ULK2: variants seen among roughly 807,000 people sequenced by gnomAD.
The protein encoded by ULK2 is serine/threonine-protein kinase ULK2.
ULK2 carries 76 observed loss-of-function variants against 127.5 expected under a neutral mutation model. The ratio of observed to expected loss-of-function variants is 0.60; its 90% confidence interval spans 0.50 to 0.72. ULK2 has a LOEUF of 0.72. Among genes scored for constraint, ULK2 ranks in the 30% least tolerant of loss-of-function variants. The probability of loss-of-function intolerance (pLI) is 0.00; values close to 1 mark genes in which losing one functional copy is unlikely to be tolerated. For missense variants in ULK2, 1,144 were observed against 1,295.9 expected, an observed-to-expected ratio of 0.88 and a Z score of 1.80; for synonymous variants, 452 against 461.9, an observed-to-expected ratio of 0.98 and a Z score of 0.28.
intron 15 of ULK2, among the ~76,000 whole-genome samples, chr17:19,803,260 G>A (rs894017395): frequency 3.3e-5 from 5 of 152,086 alleles, no homozygotes; most frequent in Non-Finnish European, 7.4e-5. Flanking sequence ...CTAATATGTG[G>A]CAAAAGTGCT....
intron 14 of ULK2, 138 bp downstream of exon 14, chr17:19,810,229 CAAAAAAAAAAA>C (rs199922634): frequency 0.013 from 4,622 of 345,242 alleles, 29 homozygotes; most frequent in East Asian, 0.06. Context: ...GACTCCATCT[CAAAAAAAAAAA>C]AAAAAAAAAA....
chr17:19,822,368 ATT>A (rs531920568), intron 12 of ULK2, among the ~76,000 whole-genome samples: 1 of 146,638 alleles, frequency 6.8e-6, no homozygotes. Flanking sequence ...TTTTTATTTT[ATT>A]TTTTTTTTTG....
chr17:19,843,184 C>CTA lies in ULK2; in HGVS notation c.581_582insTA (p.Lys194AsnfsTer8). On this transcript the variant is annotated frameshift_variant, in exon 8 of 27. Coordinates refer to ENST00000395544, the MANE Select transcript of ULK2 (RefSeq NM_014683.4). LOFTEE classifies it high-confidence loss of function. ...CTGTTCCTATGCTCCACAAGTCAGC[C>CTA]TTAGCATCATAATGTTGAGACATAA... is the stretch of plus-strand genomic sequence containing the variant. 1 of 1,596,878 alleles carries CTA rather than the reference C, an allele frequency of 6.3e-7. No individual in the cohort carries two copies. The highest frequency in any genetic ancestry group is 2.3e-5 in the East Asian group (1 of 44,308).
chr17:19,847,085 T>G (rs1451277814), intron 5 of ULK2, among the ~76,000 whole-genome samples, 175 bp from the exon 6 acceptor site: 3 of 152,212 alleles, frequency 2.0e-5, no homozygotes, highest in Non-Finnish European at 4.4e-5. Context: ...ATATCAGATT[T>G]CTCAAAACCT....
At chr17:19,832,708 T>A (rs1257935230) in intron 10 of ULK2, among the ~76,000 whole-genome samples, 2 of 152,176 alleles carry the variant, frequency 1.3e-5, no homozygotes, top group African/African-American at 4.8e-5. Context: ...CCTAGGAAAC[T>A]GGGCTTTACA....
chr17:19,793,557 A>C (rs979849894), intron 20 of ULK2, among the ~76,000 whole-genome samples: 4 of 152,224 alleles, frequency 2.6e-5, no homozygotes, highest in Non-Finnish European at 4.4e-5. Flanking sequence ...TAAAATTAGA[A>C]TTATAAAACT....
At chr17:19,836,448 G>A (rs2041600288) in intron 10 of ULK2, among the ~76,000 whole-genome samples, 4 of 151,822 alleles carry the variant, frequency 2.6e-5, no homozygotes, top group Admixed American at 2.6e-4. Flanking sequence ...CGGGCATGGT[G>A]ATGGGCACTT....
rs149483040 is a variant in ULK2 at position 19,818,248 on chromosome 17, G to A, written c.925-1328C>T. On this transcript the variant is annotated intron_variant, in intron 12 of 26. Transcript: ENST00000395544. The stretch of plus-strand genomic sequence containing the variant: ...TGAGGCAGGAGAATGGTGTAAACCC[G>A]GTAGGCGGAGCTTGCAGTGAGCCAA... Among the ~76,000 whole-genome samples the A allele has an allele frequency of 6.9e-3, 1,043 of 151,804 alleles. 14 individuals are homozygous for A. The highest frequency in any genetic ancestry group is 0.024 in the African/African-American group (980 of 41,378).
chr17:19,823,570 T>C (rs1358249647), intron 12 of ULK2, among the ~76,000 whole-genome samples: 1 of 152,208 alleles, frequency 6.6e-6, no homozygotes, highest in Non-Finnish European at 1.5e-5. Flanking sequence ...AATATATGGT[T>C]CATAATAATA....
chr17:19,834,017 T>C (rs532412705), intron 10 of ULK2, among the ~76,000 whole-genome samples: 1 of 151,992 alleles, frequency 6.6e-6, no homozygotes, highest in Non-Finnish European at 1.5e-5. Flanking sequence ...CACATCACAG[T>C]TAAAATTGTT....
chr17:19,778,743 C>T (rs2086858852), intron 25 of ULK2, among the ~76,000 whole-genome samples: 1 of 152,160 alleles, frequency 6.6e-6, no homozygotes, highest in Non-Finnish European at 1.5e-5. Flanking sequence ...GTGCATGCCA[C>T]TGCACCTAGC....
intron 10 of ULK2, among the ~76,000 whole-genome samples, chr17:19,835,821 C>T (rs1391758550): frequency 6.6e-6 from 1 of 151,416 alleles, no homozygotes; most frequent in Non-Finnish European, 1.5e-5. Flanking sequence ...AAATGGCACA[C>T]TAGAAAATAA....
In ULK2 at chr17:19,791,228, A is replaced by G. The variant is rs558787789; in HGVS notation, c.2101+4394T>C. On this transcript the variant is annotated intron_variant, in intron 20 of 26. Coordinates refer to ENST00000395544, the MANE Select transcript of ULK2 (RefSeq NM_014683.4). ...AGCTTATGGATCATTCTCATATGTT[A>G]TGTCACAAAACAAGTCATAAAACAT... is the stretch of plus-strand genomic sequence containing the variant. 5.9e-5 allele frequency among the ~76,000 whole-genome samples: 9 copies of G among 152,334 alleles called. No homozygotes were observed. The South Asian group carries it at 1.9e-3, about 32-fold the overall frequency.
At position 19,864,810 on chromosome 17, in the gene ULK2, T is replaced by C; in HGVS notation, c.218A>G (p.Asp73Gly). 7.6e-7 allele frequency: 1 copy of C among 1,317,412 alleles called. No homozygotes were observed. The highest frequency in any genetic ancestry group is 2.2e-5 in the South Asian group (1 of 45,848). 81.6% of individuals were successfully genotyped at this position (1,317,412 alleles called of 1,614,324 possible). A position where few individuals can be genotyped will look rare whatever the true frequency, so the allele number is the denominator to read the frequency against. ...LQHENIVALY[D>G]VQELPNSVFL... Reference sequence around the variant, plus strand: ...ATTTTCAAAATAAGGTACCTGAACATCATAGAGTGCTACAATATTTTCATG... The same window carrying C: ...ATTTTCAAAATAAGGTACCTGAACACCATAGAGTGCTACAATATTTTCATG... Residue 73 changes from aspartate to glycine, a missense_variant, in exon 3 of 27, where the codon GAT (aspartate) becomes GGT (glycine). Transcript: ENST00000395544.
chr17:19,832,293 G>T lies in ULK2; in HGVS notation c.788-6107C>A, dbSNP rs187332301. On this transcript the variant is annotated intron_variant, in intron 10 of 26. Transcript: ENST00000395544. ...TTTTTTTTTTTTTTCTTTTTATACA[G>T]GGTCTCATTCTGTCACCCAGGCTGG... Among the ~76,000 whole-genome samples the T allele has an allele frequency of 5.8e-3, 860 of 148,014 alleles. 5 individuals carry two copies. Among genetic ancestry groups the T allele is most frequent in the Non-Finnish European group, 8.6e-3 (580 of 67,306 alleles).
At chr17:19,799,125 C>T (rs2152385952) in intron 17 of ULK2, among the ~76,000 whole-genome samples, 1 of 148,572 alleles carries the variant, frequency 6.7e-6, no homozygotes, top group South Asian at 2.1e-4. Flanking sequence ...CATGCCACTA[C>T]ACTCCAGCCT....
chr17:19,800,484 G>A (rs2087374811), intron 16 of ULK2, among the ~76,000 whole-genome samples: 1 of 152,190 alleles, frequency 6.6e-6, no homozygotes, highest in Admixed American at 6.5e-5. Flanking sequence ...AGACCTTGAA[G>A]TACCTCAGGG....
intron 25 of ULK2, among the ~76,000 whole-genome samples, chr17:19,779,990 A>G (rs1023053000): frequency 1.3e-5 from 2 of 152,120 alleles, no homozygotes; most frequent in Non-Finnish European, 2.9e-5. Context: ...CCTGGCCAAC[A>G]TGGCAAAACC....
chr17:19,825,225 A>G (rs777099547), intron 11 of ULK2, 43 bp from the exon 12 acceptor site: 2 of 1,561,428 alleles, frequency 1.3e-6, no homozygotes, highest in South Asian at 2.2e-5. Context: ...TTTGTAGTGC[A>G]GTCACATGAC....
Sources: allele counts gnomAD v4.1 joint callset (sites outside exome capture counted in the v4.1 genomes callset), GRCh38; gene constraint gnomAD v4.1.1; transcripts MANE v1.5; gene names NCBI Gene and HGNC (gene_info 2026-07-23, HGNC 2026-07-21).